ANKS1B: variants seen among roughly 807,000 people sequenced by gnomAD.
The protein encoded by ANKS1B is ankyrin repeat and sterile alpha motif domain-containing protein 1B.
ANKS1B carries 36 observed loss-of-function variants against 148.3 expected under a neutral mutation model. The observed-to-expected ratio is 0.24, with a 90% CI of 0.19 to 0.32. The LOEUF (loss-of-function observed/expected upper bound fraction) is 0.32. Among genes scored for constraint, ANKS1B ranks in the 10% least tolerant of loss-of-function variants. The probability of loss-of-function intolerance (pLI) is 1.00; values close to 1 mark genes in which losing one functional copy is unlikely to be tolerated. For missense variants in ANKS1B, 1,157 were observed against 1,542.6 expected (o/e 0.75, Z 4.19); for synonymous variants, 542 against 560.8 (o/e 0.97, Z 0.47).
At chr12:99,296,217 G>A (rs2080854861) in intron 12 of ANKS1B, among the ~76,000 whole-genome samples, 1 of 152,058 alleles carries the variant, frequency 6.6e-6, no homozygotes, top group African/African-American at 2.4e-5. Context: ...ATACCACATG[G>A]TCTTAAATAT....
At chr12:98,915,882 C>T (rs2099793694) in intron 17 of ANKS1B, among the ~76,000 whole-genome samples, 1 of 152,168 alleles carries the variant, frequency 6.6e-6, no homozygotes, top group South Asian at 2.1e-4. Flanking sequence ...TCCTGCCGCC[C>T]CATCTAGCTC....
chr12:98,931,383 A>G (rs1390300467), intron 17 of ANKS1B, among the ~76,000 whole-genome samples: 1 of 152,184 alleles, frequency 6.6e-6, no homozygotes, highest in Non-Finnish European at 1.5e-5. Context: ...ATGACTTCTT[A>G]AGATGAGAAT....
chr12:98,786,814 T>C (rs2098799369), intron 22 of ANKS1B, among the ~76,000 whole-genome samples: 1 of 152,202 alleles, frequency 6.6e-6, no homozygotes, highest in African/African-American at 2.4e-5. Flanking sequence ...ACAGTGAGGC[T>C]AATGTGGGGA....
chr12:98,765,920 A>C (rs1317364761), intron 25 of ANKS1B, among the ~76,000 whole-genome samples: 1 of 152,204 alleles, frequency 6.6e-6, no homozygotes, highest in Non-Finnish European at 1.5e-5. Flanking sequence ...CAAACTATGA[A>C]GCTAAGAGTG....
chr12:99,758,000 C>A lies in ANKS1B; in HGVS notation c.1128+14922G>T, dbSNP rs377283612. Reference sequence around the variant, plus strand: ...CAACCAATGGGTACTAGACTAATAGCTGAGTTATGAAATAATCTATACAAC... The same window carrying A: ...CAACCAATGGGTACTAGACTAATAGATGAGTTATGAAATAATCTATACAAC... On this transcript the variant is annotated intron_variant, in intron 8 of 26. Coordinates refer to ENST00000683438, the MANE Select transcript of ANKS1B (RefSeq NM_001352186.2). 3.3e-5 allele frequency among the ~76,000 whole-genome samples: 5 copies of A among 151,936 alleles called. No individual in the cohort carries two copies. In the East Asian group the frequency reaches 9.7e-4, roughly 29 times the overall value.
At chr12:99,431,938 C>G (rs10777985) in intron 11 of ANKS1B, among the ~76,000 whole-genome samples, 1 of 152,000 alleles carries the variant, frequency 6.6e-6, no homozygotes, top group Non-Finnish European at 1.5e-5. Flanking sequence ...GGACAGATCT[C>G]TCATGAATGG....
At position 99,296,204 on chromosome 12, in the gene ANKS1B, T is replaced by C. The variant is rs141133676; in HGVS notation, c.1757-49340A>G. 1.6e-4 allele frequency among the ~76,000 whole-genome samples: 24 copies of C among 152,336 alleles called. No homozygotes were observed. The East Asian group carries it at 3.5e-3, about 22-fold the overall frequency. Reference sequence around the variant, plus strand: ...TTTCATTGATCTATTTATTTTTACATTGATACCACATGGTCTTAAATATCA... The same window carrying C: ...TTTCATTGATCTATTTATTTTTACACTGATACCACATGGTCTTAAATATCA... On this transcript the variant is annotated intron_variant, in intron 12 of 26. Coordinates refer to ENST00000683438, the MANE Select transcript of ANKS1B (RefSeq NM_001352186.2).
At chr12:99,508,966 A>C (rs2096737758) in intron 9 of ANKS1B, among the ~76,000 whole-genome samples, 9 of 151,862 alleles carry the variant, frequency 5.9e-5, no homozygotes. Flanking sequence ...ATTTTGTGTC[A>C]CATTTTGGTA....
At chr12:99,534,710 C>CTTTTTTTT (rs143251962) in intron 9 of ANKS1B, among the ~76,000 whole-genome samples, 4 of 123,834 alleles carry the variant, frequency 3.2e-5, no homozygotes, top group African/African-American at 1.2e-4. Context: ...TTTTTCTTTT[C>CTTTTTTTT]TTTTTTTTTT....
intron 1 of ANKS1B, among the ~76,000 whole-genome samples, chr12:99,955,909 A>G (rs2095315936): frequency 6.6e-6 from 1 of 152,194 alleles, no homozygotes; most frequent in Non-Finnish European, 1.5e-5. Flanking sequence ...ATTTTATAAT[A>G]TCTAAAGAAA....
chr12:99,610,256 T>C (rs1015536944), intron 9 of ANKS1B, among the ~76,000 whole-genome samples: 2 of 152,032 alleles, frequency 1.3e-5, no homozygotes, highest in East Asian at 1.9e-4. Context: ...AGAAGTGTGA[T>C]TGGGCAAAAA....
chr12:99,454,438 G>T (rs534394294), intron 10 of ANKS1B, among the ~76,000 whole-genome samples: 1 of 151,806 alleles, frequency 6.6e-6, no homozygotes, highest in Non-Finnish European at 1.5e-5. Context: ...AAGAACTTTG[G>T]TCTTATCTAC....
chr12:99,660,353 TTTTC>T (rs1017636576), intron 8 of ANKS1B, among the ~76,000 whole-genome samples: 73 of 134,778 alleles, frequency 5.4e-4, no homozygotes, highest in Non-Finnish European at 8.9e-4. Flanking sequence ...TTATCTTTCT[TTTTC>T]TTTTTCTTTT....
At chr12:99,940,501 G>C (rs1341240571) in intron 1 of ANKS1B, among the ~76,000 whole-genome samples, 1 of 151,926 alleles carries the variant, frequency 6.6e-6, no homozygotes, top group Non-Finnish European at 1.5e-5. Context: ...TCCTATCAGG[G>C]GCAAGATTCA....
chr12:99,535,097 T>C (rs2097052403), intron 9 of ANKS1B, among the ~76,000 whole-genome samples: 1 of 152,170 alleles, frequency 6.6e-6, no homozygotes, highest in South Asian at 2.1e-4. Context: ...AACCAACCAC[T>C]AGTTATTTAA....
chr12:99,108,404 T>C (rs2153694583), intron 15 of ANKS1B, among the ~76,000 whole-genome samples: 1 of 152,286 alleles, frequency 6.6e-6, no homozygotes, highest in East Asian at 1.9e-4. Flanking sequence ...TCAATTAATA[T>C]TTGAAGAACG....
intron 14 of ANKS1B, among the ~76,000 whole-genome samples, chr12:99,196,471 A>C (rs910181909): frequency 3.1e-4 from 47 of 152,156 alleles, no homozygotes; most frequent in Admixed American, 2.8e-3. Flanking sequence ...TCTTTACTAC[A>C]AGCCATTCTG....
intron 10 of ANKS1B, among the ~76,000 whole-genome samples, chr12:99,466,993 G>T (rs1005646701): frequency 2.0e-5 from 3 of 152,120 alleles, no homozygotes; most frequent in African/African-American, 7.2e-5. Context: ...CCAAAAAAGA[G>T]AATTTTAGAC....
At position 99,253,346 on chromosome 12, in the gene ANKS1B, C is replaced by T. The variant is rs947908375; in HGVS notation, c.1757-6482G>A. 2.6e-5 allele frequency among the ~76,000 whole-genome samples: 4 copies of T among 152,134 alleles called. 1 individual carries two copies. In the South Asian group the frequency reaches 6.2e-4, roughly 24 times the overall value. On this transcript the variant is annotated intron_variant, in intron 12 of 26. Coordinates refer to ENST00000683438, the MANE Select transcript of ANKS1B (RefSeq NM_001352186.2). ...TGAGAGCACCACTTTGGAAGGCAGG[C>T]GCATGGAACTCAAGAACACTGAGGT... is the stretch of plus-strand genomic sequence containing the variant.
Sources: gnomAD v4.1 joint callset for allele counts (sites outside exome capture counted in the v4.1 genomes callset) on GRCh38, gnomAD v4.1.1 for gene constraint, MANE v1.5 for transcripts, NCBI Gene and HGNC (gene_info 2026-07-23, HGNC 2026-07-21) for gene names.